PRH1: variants seen among roughly 807,000 people sequenced by gnomAD.
PRH1 encodes the protein salivary acidic proline-rich phosphoprotein 1/2.
In PRH1, 7 loss-of-function variants were observed where a neutral mutation model predicts 7.9. That is an observed-to-expected ratio of 0.89 (90% confidence interval 0.50 to 1.67). The LOEUF is 1.67. Ranked by LOEUF, PRH1 falls within the 40% of genes most tolerant of loss-of-function variation. The probability of loss-of-function intolerance (pLI) is 0.00; values close to 1 mark genes in which losing one functional copy is unlikely to be tolerated. For synonymous variants in PRH1, 45 were observed against 80.8 expected (o/e 0.56, Z 2.38); for missense variants, 109 against 223.6 (o/e 0.49, Z 3.27).
In PRH1 at chr12:11,097,010, G is replaced by T. The variant is rs181499400; in HGVS notation, n.124-49822C>A. Among the ~76,000 whole-genome samples, 500 of 114,532 alleles carry T rather than the reference G, an allele frequency of 4.4e-3. 124 individuals carry two copies. In the East Asian group the frequency reaches 0.061, roughly 14 times the overall value. 75.1% of individuals were successfully genotyped at this position (114,532 alleles called of 152,430 possible). The stretch of plus-strand genomic sequence containing the variant: ...AGACGGGGTTTCACCGTGTTCCCCA[G>T]TATGGTCTGGATCTCCTGACCTGAT... On this transcript the variant is annotated intron_variant and non_coding_transcript_variant, in intron 1 of 4. Coordinates refer to the PRH1 transcript ENST00000541977.
In PRH1 at chr12:11,095,830, T is replaced by C. The variant is rs1945058914; in HGVS notation, n.124-48642A>G. Among the ~76,000 whole-genome samples, 2 of 115,712 alleles carry C rather than the reference T, an allele frequency of 1.7e-5. 1 individual carries two copies. The highest frequency in any genetic ancestry group is 4.1e-5 in the Non-Finnish European group (2 of 49,064). 75.9% of individuals were successfully genotyped at this position (115,712 alleles called of 152,430 possible). A position where few individuals can be genotyped will look rare whatever the true frequency, so the allele number is the denominator to read the frequency against. On this transcript the variant is annotated intron_variant and non_coding_transcript_variant, in intron 1 of 4. Coordinates refer to the PRH1 transcript ENST00000541977. Reference sequence around the variant, plus strand: ...CCAACAAAAATAATAATAATAATAATTTTTCTTTTATCTGAAAAGATATAT... The same window carrying C: ...CCAACAAAAATAATAATAATAATAACTTTTCTTTTATCTGAAAAGATATAT...
chr12:11,099,611 C>T (rs765247989), intron 1 of PRH1, among the ~76,000 whole-genome samples: 1 of 152,046 alleles, frequency 6.6e-6, no homozygotes, highest in Non-Finnish European at 1.5e-5. Flanking sequence ...GCAGGAGAAT[C>T]GCTTGAACCC....
rs1383840693 is a variant in PRH1 at position 11,021,740 on chromosome 12, T to C, written c.-126+25280A>G. 3 of 1,614,114 alleles carry C rather than the reference T, an allele frequency of 1.9e-6. No individual in the cohort carries two copies. The East Asian group carries it at 6.7e-5, about 36-fold the overall frequency. On this transcript the variant is annotated intron_variant, in intron 1 of 3. Transcript: ENST00000539853. ...AGCTTCCTACTTCCCATAATCAGGA[T>C]GAATGAGTGGAATGAAGGATACATG... is the stretch of plus-strand genomic sequence containing the variant.
intron 1 of PRH1, among the ~76,000 whole-genome samples, chr12:11,012,732 T>C (rs1347744515): frequency 6.6e-6 from 1 of 152,016 alleles, no homozygotes; most frequent in Non-Finnish European, 1.5e-5. Context: ...AATTTTTCAG[T>C]TTTTTTGTAG....
At position 10,997,181 on chromosome 12, in the gene PRH1, G is replaced by A. The variant is rs867761048; in HGVS notation, c.-125-23460C>T. 3.7e-6 allele frequency: 6 copies of A among 1,614,066 alleles called. No individual in the cohort carries two copies. The Middle Eastern group carries it at 6.6e-4, about 178-fold the overall frequency. On this transcript the variant is annotated intron_variant, in intron 1 of 3. Transcript: ENST00000539853. Reference sequence around the variant, plus strand: ...AATGGCAAGTAATATGAGGAAGGAGGTCACAGTTTGCAGAGCTTTTATGTG... The same window carrying A: ...AATGGCAAGTAATATGAGGAAGGAGATCACAGTTTGCAGAGCTTTTATGTG...
At chr12:11,150,846 A>T (rs2136425768) in intron 1 of PRH1, among the ~76,000 whole-genome samples, 1 of 152,252 alleles carries the variant, frequency 6.6e-6, no homozygotes, top group East Asian at 1.9e-4. Flanking sequence ...TATCAGTGAA[A>T]ATATTTTTGT....
chr12:11,047,202 C>G (rs1942935079), upstream of PRH1: 1 of 340,622 alleles, frequency 2.9e-6, no homozygotes, highest in Non-Finnish European at 6.3e-6. Context: ...TGTCAAGAAA[C>G]AAAATAAAAA....
chr12:10,974,850 A>G (rs1185662615), intron 1 of PRH1, among the ~76,000 whole-genome samples: 1 of 152,232 alleles, frequency 6.6e-6, no homozygotes, highest in Admixed American at 6.5e-5. Context: ...ATGAAGATCA[A>G]TGAGATTCAG....
Position 11,004,748 on chromosome 12 carries a change from A to C in PRH1, c.-125-31027T>G, listed in dbSNP as rs1016577205. Among the ~76,000 whole-genome samples, 6 of 152,168 alleles carry C rather than the reference A, an allele frequency of 3.9e-5. No homozygotes were observed. The East Asian group carries it at 1.2e-3, about 29-fold the overall frequency. On this transcript the variant is annotated intron_variant, in intron 1 of 3. Transcript: ENST00000539853. ...ATGAACAAGTGTAATTATACTGGAG[A>C]TATTTCCTTTAATCAATCATTACGT...
chr12:10,959,755 A>G (rs1938148569), intron 2 of PRH1, among the ~76,000 whole-genome samples: 1 of 152,200 alleles, frequency 6.6e-6, no homozygotes, highest in Non-Finnish European at 1.5e-5. Context: ...TATATAGATG[A>G]ATAATCAGCC....
intron 2 of PRH1, among the ~76,000 whole-genome samples, chr12:10,910,229 G>A (rs1949876370): frequency 6.6e-6 from 1 of 151,990 alleles, no homozygotes; most frequent in African/African-American, 2.4e-5. Flanking sequence ...TTTTTTTCCT[G>A]TATTCACCTA....
At chr12:10,905,190 C>A (rs546551883) in intron 2 of PRH1, among the ~76,000 whole-genome samples, 1 of 151,882 alleles carries the variant, frequency 6.6e-6, no homozygotes, top group South Asian at 2.1e-4. Flanking sequence ...GGTGTATGCA[C>A]GCCACACTTT....
chr12:10,965,102 G>C, intron 2 of PRH1: 1 of 1,316,272 alleles, frequency 7.6e-7, no homozygotes, highest in Non-Finnish European at 1.1e-6. Flanking sequence ...GGCATTAATA[G>C]TAGTAATTCT....
At chr12:10,956,324 A>G (rs1189361267) in intron 2 of PRH1, among the ~76,000 whole-genome samples, 2 of 152,212 alleles carry the variant, frequency 1.3e-5, no homozygotes, top group Non-Finnish European at 2.9e-5. Flanking sequence ...CAAAAACCAC[A>G]TTACTATCTC....
upstream of PRH1, chr12:11,049,079 G>C (rs763952385): frequency 1.7e-5 from 5 of 300,086 alleles, no homozygotes; most frequent in South Asian, 1.5e-4. Context: ...ATATGACCCA[G>C]AGTAAACCAA....
chr12:11,032,401 T>C (rs375249126), intron 1 of PRH1, among the ~76,000 whole-genome samples: 1 of 152,246 alleles, frequency 6.6e-6, no homozygotes, highest in Non-Finnish European at 1.5e-5. Flanking sequence ...ATCTCAGATT[T>C]TCTTGAGAAC....
At chr12:11,169,358 G>A (rs1195709465) in intron 1 of PRH1, among the ~76,000 whole-genome samples, 1 of 152,194 alleles carries the variant, frequency 6.6e-6, no homozygotes, top group Non-Finnish European at 1.5e-5. Flanking sequence ...GTGGAAAGAA[G>A]GAAATCTTTC....
chr12:10,973,024 T>A (rs978037218), intron 2 of PRH1, among the ~76,000 whole-genome samples: 3 of 144,554 alleles, frequency 2.1e-5, no homozygotes, highest in Non-Finnish European at 4.5e-5. Context: ...AGGGAGGTCA[T>A]GTAGGTTGAA....
chr12:11,108,552 G>A (rs1304745575), intron 1 of PRH1, among the ~76,000 whole-genome samples: 2 of 152,174 alleles, frequency 1.3e-5, no homozygotes, highest in Non-Finnish European at 2.9e-5. Flanking sequence ...GCCTCACCCG[G>A]GAAGTGCAAG....
Sources: allele counts gnomAD v4.1 joint callset (sites outside exome capture counted in the v4.1 genomes callset), GRCh38; gene constraint gnomAD v4.1.1; transcripts MANE v1.5; gene names NCBI Gene and HGNC (gene_info 2026-07-23, HGNC 2026-07-21).